PHF21A: variants seen among roughly 807,000 people sequenced by gnomAD.
PHF21A encodes the protein BHC80a.
In PHF21A, 11 loss-of-function variants were observed where a neutral mutation model predicts 82.5. The ratio of observed to expected loss-of-function variants is 0.13; its 90% CI spans 0.08 to 0.22. The LOEUF is 0.22. PHF21A is among the 10% of genes least tolerant of loss of function. PHF21A has a pLI of 1.00. For missense variants in PHF21A, 579 were observed against 837.8 expected (o/e 0.69, Z 3.81); for synonymous variants, 297 against 302.8 (o/e 0.98, Z 0.20).
intron 1 of PHF21A, among the ~76,000 whole-genome samples, chr11:46,102,668 A>G (rs1174504430): frequency 2.0e-5 from 3 of 152,208 alleles, no homozygotes; most frequent in Non-Finnish European, 2.9e-5. Flanking sequence ...CAGAAAATAC[A>G]GCAATTTCTG....
chr11:46,028,955 T>C (rs1216493736), intron 6 of PHF21A, among the ~76,000 whole-genome samples: 1 of 152,250 alleles, frequency 6.6e-6, no homozygotes, highest in Non-Finnish European at 1.5e-5. Context: ...TGAACACAAG[T>C]TGACTACAGA....
intron 6 of PHF21A, among the ~76,000 whole-genome samples, chr11:45,998,990 C>A (rs1409727469): frequency 6.6e-6 from 1 of 151,860 alleles, no homozygotes; most frequent in African/African-American, 2.4e-5. Context: ...CCACGCCTGG[C>A]TAATTTTTAT....
chr11:45,945,985 T>C lies in PHF21A; in HGVS notation c.1307A>G (p.Asn436Ser), dbSNP rs759521447. ...AAGGGCTCCAAACCCCAGCACTGCA[T>C]TGTATTTTGGAGGACGACCTATATA... ...TRKRGRPPKY[N>S]AVLGFGALTP... The change falls in exon 15 of 19, where the codon AAT becomes AGT. Residue 436 changes from asparagine (N) to serine (S), a missense_variant. Physicochemically the swap from Asn to Ser is conservative, Grantham distance 46 (BLOSUM62 1). Coordinates refer to ENST00000676320, the MANE Select transcript of PHF21A (RefSeq NM_001352027.3). The C allele has an allele frequency of 1.4e-5, 22 of 1,613,714 alleles. No homozygotes were observed. The highest frequency in any genetic ancestry group is 1.6e-4 in the Middle Eastern group (1 of 6,084).
chr11:46,068,530 T>C (rs772205797), intron 6 of PHF21A, among the ~76,000 whole-genome samples: 1 of 152,154 alleles, frequency 6.6e-6, no homozygotes, highest in Non-Finnish European at 1.5e-5. Context: ...CTAAACATTC[T>C]GAAATACAGA....
In PHF21A at chr11:45,991,478, C is replaced by G. The variant is rs11603846; in HGVS notation, c.154-11512G>C. On this transcript the variant is annotated intron_variant, in intron 6 of 18. Transcript: ENST00000676320. The stretch of plus-strand genomic sequence containing the variant: ...GATAACTAATTCCATATTCCCACCT[C>G]AAACCCCCAACACCAGTATCTGGCT... Among the ~76,000 whole-genome samples the G allele has an allele frequency of 5.1e-3, 784 of 152,276 alleles. 2 individuals carry two copies. Among genetic ancestry groups the G allele is most frequent in the Non-Finnish European group, 9.5e-3 (644 of 68,030 alleles).
intron 6 of PHF21A, among the ~76,000 whole-genome samples, chr11:46,051,303 T>A (rs1239282257): frequency 1.3e-5 from 2 of 152,064 alleles, no homozygotes; most frequent in African/African-American, 4.8e-5. Flanking sequence ...AGAAATGAAA[T>A]GGATTAGGTC....
chr11:46,015,777 C>G (rs1480217463), intron 6 of PHF21A, among the ~76,000 whole-genome samples: 1 of 152,098 alleles, frequency 6.6e-6, no homozygotes, highest in African/African-American at 2.4e-5. Flanking sequence ...ATACCTTATC[C>G]CACTGGAAGG....
chr11:46,006,617 G>A (rs2095302500), intron 6 of PHF21A, among the ~76,000 whole-genome samples: 1 of 152,156 alleles, frequency 6.6e-6, no homozygotes, highest in Admixed American at 6.5e-5. Flanking sequence ...ATGAACTAAC[G>A]CCATCTAGTG....
Position 45,965,681 on chromosome 11 carries a change from C to T in PHF21A, c.703-73G>A. On this transcript the variant is annotated intron_variant, in intron 9 of 18. Transcript: ENST00000676320. ...GTCCTATAAAAGCAAATCTTCCACA[C>T]TCTATGTATGAAATGGTGTTTAATA... 2.6e-6 allele frequency: 3 copies of T among 1,144,592 alleles called. No homozygotes were observed. The South Asian group carries it at 4.8e-5, about 18-fold the overall frequency. 70.9% of individuals were successfully genotyped at this position (1,144,592 alleles called of 1,614,324 possible).
Position 45,935,740 on chromosome 11 carries a change from C to CA in PHF21A, c.1685-2_1685-1insT. The CA allele has an allele frequency of 2.1e-6, 1 of 467,476 alleles. No homozygotes were observed. The allele number at this position is 467,476 out of a possible 1,614,324, so 29.0% of individuals were successfully genotyped here. On this transcript the variant is annotated splice_acceptor_variant, in intron 17 of 18. Transcript: ENST00000676320. LOFTEE classifies it high-confidence loss of function. ...AACTTCTGTTTCTCTTCTTCTTTTGCTAAAAAAAAAAAAAAAAAAAAAAAG... is the reference window on the plus strand; with the variant it reads ...AACTTCTGTTTCTCTTCTTCTTTTGCATAAAAAAAAAAAAAAAAAAAAAAAG...
chr11:46,070,157 A>G (rs184926431), intron 6 of PHF21A, among the ~76,000 whole-genome samples: 31 of 152,354 alleles, frequency 2.0e-4, no homozygotes, highest in Admixed American at 1.8e-3. Flanking sequence ...GATCAGAAAC[A>G]TAACTAGTTA....
At chr11:46,051,412 C>T (rs1359828424) in intron 6 of PHF21A, among the ~76,000 whole-genome samples, 1 of 152,130 alleles carries the variant, frequency 6.6e-6, no homozygotes, top group Non-Finnish European at 1.5e-5. Context: ...GAGCATTTAC[C>T]ATTACCTCCC....
chr11:46,084,287 CCTCTT>C lies in PHF21A; in HGVS notation c.-73_-69del, dbSNP rs1420782754. On this transcript the variant is annotated 5_prime_UTR_variant, in exon 4 of 19. Transcript: ENST00000676320. The stretch of plus-strand genomic sequence containing the variant: ...CAGCCTCTGTTTAAAGTAACAAACT[CCTCTT>C]CTCACTGCAGCTGTAAAGATCATAA... The C allele has an allele frequency of 4.1e-5, 45 of 1,092,840 alleles. No homozygotes were observed. In the African/African-American group the frequency reaches 7.1e-4, roughly 17 times the overall value. The allele number at this position is 1,092,840 out of a possible 1,614,324, so 67.7% of individuals were successfully genotyped here. A position where few individuals can be genotyped will look rare whatever the true frequency, so the allele number is the denominator to read the frequency against.
chr11:46,030,830 CGTGTGTGTGT>C (rs71038879), intron 6 of PHF21A, among the ~76,000 whole-genome samples: 31,509 of 142,216 alleles, frequency 0.22, 3,466 homozygotes, highest in African/African-American at 0.28. Flanking sequence ...CGTGTGTGTG[CGTGTGTGTGT>C]GTGTGTGTGT....
At chr11:45,978,189 A>G (rs1323131829) in intron 7 of PHF21A, among the ~76,000 whole-genome samples, 1 of 152,140 alleles carries the variant, frequency 6.6e-6, no homozygotes, top group Non-Finnish European at 1.5e-5. Flanking sequence ...AGTCCCAGCT[A>G]CTCAGGAGGC....
chr11:46,101,883 G>A (rs577170633), intron 1 of PHF21A, among the ~76,000 whole-genome samples: 9 of 148,292 alleles, frequency 6.1e-5, no homozygotes, highest in African/African-American at 1.7e-4. Context: ...TTTTAAATAC[G>A]GAGTCTCGCT....
intron 4 of PHF21A, among the ~76,000 whole-genome samples, chr11:46,081,483 G>C (rs552788069): frequency 6.6e-6 from 1 of 152,292 alleles, no homozygotes; most frequent in East Asian, 1.9e-4. Context: ...TTTTCTTCCA[G>C]ACACTGGAAT....
intron 6 of PHF21A, among the ~76,000 whole-genome samples, chr11:46,005,624 C>T (rs1308054579): frequency 2.6e-5 from 4 of 152,268 alleles, no homozygotes; most frequent in African/African-American, 4.8e-5. Context: ...AAACTATCAA[C>T]GATCCTTTTA....
At position 46,076,750 on chromosome 11, in the gene PHF21A, C is replaced by T. The variant is rs765929008; in HGVS notation, c.153+4G>A. 1 of 1,610,312 alleles carries T rather than the reference C, an allele frequency of 6.2e-7. No homozygotes were observed. Among genetic ancestry groups the T allele is most frequent in the African/African-American group, 1.3e-5 (1 of 74,880 alleles). ...AAATATGCCCCCCTCCCCTTTTCCC[C>T]TACCTGTTTCTCACTCAAAGCTGTG... On this transcript the variant is annotated splice_donor_region_variant and intron_variant, in intron 6 of 18. Transcript: ENST00000676320.
Sources: gnomAD v4.1 joint callset for allele counts (sites outside exome capture counted in the v4.1 genomes callset) on GRCh38, gnomAD v4.1.1 for gene constraint, MANE v1.5 for transcripts, NCBI Gene and HGNC (gene_info 2026-07-23, HGNC 2026-07-21) for gene names.